The following TCF7L1 variants were observed in gnomAD, a reference collection of about 807,000 sequenced individuals.
TCF7L1 encodes transcription factor 7 like 1.
Under a neutral mutation model 63.7 loss-of-function variants are expected in TCF7L1, and 18 were observed. The ratio of observed to expected loss-of-function variants is 0.28; its 90% CI spans 0.20 to 0.42. TCF7L1 has a LOEUF of 0.42. Among genes scored for constraint, TCF7L1 ranks in the 10% least tolerant of loss-of-function variants. TCF7L1 has a pLI of 1.00. For missense variants in TCF7L1, 654 were observed against 779.3 expected, an observed-to-expected ratio of 0.84 and a Z score of 1.91; for synonymous variants, 355 against 340.9, an observed-to-expected ratio of 1.04 and a Z score of -0.46.
At chr2:85,237,284 GA>G (rs1558642405) in intron 3 of TCF7L1, among the ~76,000 whole-genome samples, 4 of 152,168 alleles carry the variant, frequency 2.6e-5, no homozygotes, top group African/African-American at 4.8e-5. Context: ...TTTGGACTGA[GA>G]AGGATGCAGT....
chr2:85,206,476 T>G (rs1397764406), intron 3 of TCF7L1, among the ~76,000 whole-genome samples: 1 of 152,256 alleles, frequency 6.6e-6, no homozygotes, highest in African/African-American at 2.4e-5. Flanking sequence ...ATTCATTGAC[T>G]GCCAAGTCCC....
chr2:85,183,695 C>T (rs1268983464), intron 3 of TCF7L1, among the ~76,000 whole-genome samples: 1 of 152,146 alleles, frequency 6.6e-6, no homozygotes, highest in Admixed American at 6.6e-5. Context: ...TGTAAGAGAA[C>T]ATGACTCCAG....
Position 85,292,580 on chromosome 2 carries a change from C to T in TCF7L1, c.525+9002C>T, listed in dbSNP as rs114220248. Among the ~76,000 whole-genome samples the T allele has an allele frequency of 6.8e-3, 1,031 of 152,138 alleles. 14 individuals are homozygous for T. The highest frequency in any genetic ancestry group is 0.022 in the African/African-American group (926 of 41,510). ...TTTATGTCTTAAGTTAGCTATTTCT[C>T]TCTTTTTGTTTTTTAAGACAGGGTC... On this transcript the variant is annotated intron_variant, in intron 4 of 11. Coordinates refer to ENST00000282111, the MANE Select transcript of TCF7L1 (RefSeq NM_031283.3).
intron 3 of TCF7L1, among the ~76,000 whole-genome samples, chr2:85,172,028 C>T (rs546465285): frequency 2.0e-5 from 3 of 152,176 alleles, no homozygotes; most frequent in South Asian, 2.1e-4. Context: ...GGTGTTCTCC[C>T]GCACCGTCCA....
chr2:85,143,085 GC>G, intron 3 of TCF7L1, among the ~76,000 whole-genome samples: 1 of 152,166 alleles, frequency 6.6e-6, no homozygotes, highest in African/African-American at 2.4e-5. Context: ...ATGGTCAAAG[GC>G]AATAGCTCTA....
chr2:85,236,987 T>C (rs1457758679), intron 3 of TCF7L1, among the ~76,000 whole-genome samples: 1 of 152,204 alleles, frequency 6.6e-6, no homozygotes, highest in Non-Finnish European at 1.5e-5. Flanking sequence ...CTTGGAACTC[T>C]GATCTCAGAT....
chr2:85,254,449 G>C (rs182308013), intron 3 of TCF7L1, among the ~76,000 whole-genome samples: 4 of 152,200 alleles, frequency 2.6e-5, no homozygotes, highest in Admixed American at 6.5e-5. Flanking sequence ...CCTGCATTGG[G>C]GGGGCTTGAA....
intron 3 of TCF7L1, among the ~76,000 whole-genome samples, chr2:85,156,011 A>T (rs765964817): frequency 6.6e-6 from 1 of 152,242 alleles, no homozygotes; most frequent in Non-Finnish European, 1.5e-5. Context: ...CAAATGTTAA[A>T]GAAGTCATAA....
intron 3 of TCF7L1, among the ~76,000 whole-genome samples, chr2:85,214,691 G>A (rs113675581): frequency 1.0e-3 from 157 of 152,312 alleles, no homozygotes; most frequent in African/African-American, 3.4e-3. Flanking sequence ...TTATACAGAT[G>A]TATTAATTGA....
At chr2:85,189,039 G>A (rs1346407742) in intron 3 of TCF7L1, among the ~76,000 whole-genome samples, 2 of 152,180 alleles carry the variant, frequency 1.3e-5, no homozygotes, top group African/African-American at 4.8e-5. Flanking sequence ...CCCTTCCAAA[G>A]TAGCCACCTG....
At position 85,134,083 on chromosome 2, in the gene TCF7L1, T is replaced by C. The variant is rs766127131; in HGVS notation, c.313+4T>C. On this transcript the variant is annotated splice_donor_region_variant and intron_variant, in intron 2 of 11. Transcript: ENST00000282111. This position sits in a 1 kb window ranked among gnomAD's most constrained non-coding sequence, Gnocchi z 5.0. ...CCGCGGGACTATTTCGCCGAAGGTA[T>C]GTGCCCGCTGGGACAGCCCCCCACT... 4 of 1,609,294 alleles carry C rather than the reference T, an allele frequency of 2.5e-6. No individual in the cohort carries two copies. Among genetic ancestry groups the C allele is most frequent in the East Asian group, 2.2e-5 (1 of 44,518 alleles).
intron 3 of TCF7L1, among the ~76,000 whole-genome samples, chr2:85,252,545 T>A (rs1680617364): frequency 6.6e-6 from 1 of 152,192 alleles, no homozygotes; most frequent in African/African-American, 2.4e-5. Flanking sequence ...TTGGGGAGCC[T>A]CTGACTCCCA....
intron 3 of TCF7L1, among the ~76,000 whole-genome samples, chr2:85,149,357 A>ACG (rs1219222185): frequency 6.6e-6 from 1 of 151,990 alleles, no homozygotes; most frequent in Non-Finnish European, 1.5e-5. Flanking sequence ...ACACACACAC[A>ACG]CTAACTTTAT....
intron 3 of TCF7L1, among the ~76,000 whole-genome samples, chr2:85,192,427 G>A (rs557961054): frequency 1.3e-5 from 2 of 151,992 alleles, no homozygotes; most frequent in Non-Finnish European, 2.9e-5. Context: ...ACAGAGTCCC[G>A]ATCTGTTGCC....
At chr2:85,217,013 T>C (rs902311139) in intron 3 of TCF7L1, 2 of 152,126 alleles carry the variant, frequency 1.3e-5, no homozygotes, top group African/African-American at 4.8e-5. Flanking sequence ...CCATTCATTG[T>C]CCCTAGAACG....
intron 4 of TCF7L1, among the ~76,000 whole-genome samples, chr2:85,292,502 G>A (rs776874466): frequency 3.3e-5 from 5 of 152,226 alleles, no homozygotes; most frequent in Non-Finnish European, 7.3e-5. Context: ...GGTTTTGGGT[G>A]TGGTATCATT....
intron 3 of TCF7L1, among the ~76,000 whole-genome samples, chr2:85,193,352 A>G (rs1473605048): frequency 2.6e-5 from 4 of 152,116 alleles, no homozygotes; most frequent in Non-Finnish European, 5.9e-5. Flanking sequence ...TGGGTGGGAT[A>G]CTGATCATGC....
At chr2:85,188,088 A>G (rs1041603023) in intron 3 of TCF7L1, among the ~76,000 whole-genome samples, 3 of 152,236 alleles carry the variant, frequency 2.0e-5, no homozygotes, top group African/African-American at 7.2e-5. Flanking sequence ...ACAAAATTAT[A>G]GCGAGGGGGA....
At chr2:85,144,004 G>A (rs939810537) in intron 3 of TCF7L1, among the ~76,000 whole-genome samples, 1 of 152,284 alleles carries the variant, frequency 6.6e-6, no homozygotes, top group East Asian at 1.9e-4. Context: ...GGAAATTGGG[G>A]ATTGTTTTTC....
Sources: allele counts gnomAD v4.1 joint callset (sites outside exome capture counted in the v4.1 genomes callset), GRCh38; gene constraint gnomAD v4.1.1; non-coding constraint Gnocchi (gnomAD v3.1); transcripts MANE v1.5; gene names NCBI Gene and HGNC (gene_info 2026-07-23, HGNC 2026-07-21).